The following SLC6A20 variants were observed in gnomAD, a reference collection of about 807,000 sequenced individuals.
The protein encoded by SLC6A20 is sodium- and chloride-dependent transporter XTRP3.
Under a neutral mutation model 64.3 loss-of-function variants are expected in SLC6A20, and 73 were observed. The observed-to-expected ratio is 1.14, with a 90% CI of 0.94 to 1.38. The LOEUF (loss-of-function observed/expected upper bound fraction) is 1.38. Among genes scored for constraint, SLC6A20 ranks in the 40% most tolerant of loss-of-function variants. SLC6A20 has a pLI of 0.00. For synonymous variants in SLC6A20, 347 were observed against 329.6 expected, an observed-to-expected ratio of 1.05 and a Z score of -0.57; for missense variants, 725 against 772.8, an observed-to-expected ratio of 0.94 and a Z score of 0.73.
intron 7 of SLC6A20, 60 bp downstream of exon 7, chr3:45,770,149 C>G: frequency 6.3e-7 from 1 of 1,599,926 alleles, no homozygotes; most frequent in Non-Finnish European, 8.5e-7. Context: ...CAGCAGCTCA[C>G]CAAGGTTCCC....
At chr3:45,763,845 A>G (rs1396757709) in intron 8 of SLC6A20, among the ~76,000 whole-genome samples, 1 of 152,074 alleles carries the variant, frequency 6.6e-6, no homozygotes, top group Non-Finnish European at 1.5e-5. Context: ...TTCCACTAGC[A>G]CACCGTACAC....
chr3:45,795,193 GT>G (rs1164222271), intron 1 of SLC6A20, among the ~76,000 whole-genome samples: 1 of 152,060 alleles, frequency 6.6e-6, no homozygotes, highest in Non-Finnish European at 1.5e-5. Context: ...CAGAAATTTT[GT>G]TAACAATTTG....
At position 45,757,466 on chromosome 3, in the gene SLC6A20, G is replaced by T. The variant is rs1279581856; in HGVS notation, c.*1512C>A. On this transcript the variant is annotated 3_prime_UTR_variant, in exon 11 of 11. Coordinates refer to ENST00000358525, the MANE Select transcript of SLC6A20 (RefSeq NM_020208.4). ...ATTGTGTCCCTGGTTAATCGAGAAT[G>T]GAGAATGGCGATGACTTCTACCAAG... 1.3e-5 allele frequency: 2 copies of T among 152,272 alleles called. No homozygotes were observed. Among genetic ancestry groups the T allele is most frequent in the African/African-American group, 4.8e-5 (2 of 41,444 alleles). The allele number at this position is 152,272 out of a possible 1,614,324, so 9.4% of individuals were successfully genotyped here. A position where few individuals can be genotyped will look rare whatever the true frequency, so the allele number is the denominator to read the frequency against.
In SLC6A20 at chr3:45,771,405, G is replaced by T; in HGVS notation, c.747C>A (p.Phe249Leu). The T allele has an allele frequency of 6.2e-7, 1 of 1,614,290 alleles. No individual in the cohort carries two copies. The change falls in exon 6 of 11, where the codon TTC becomes TTA. Residue 249 changes from phenylalanine (F) to leucine (L), a missense_variant. Coordinates refer to ENST00000358525, the MANE Select transcript of SLC6A20 (RefSeq NM_020208.4). ...TGCCGAAGCCCAGGCCAAGTGAGAA[G>T]AAGATCTGGGTGGCTGCATTGATCC... ...KAWINAATQIFFSLGLGFGSL... is the reference protein window; with the variant it reads ...KAWINAATQILFSLGLGFGSL...
intron 3 of SLC6A20, among the ~76,000 whole-genome samples, chr3:45,777,425 C>T (rs978821226): frequency 6.6e-6 from 1 of 152,240 alleles, no homozygotes; most frequent in Non-Finnish European, 1.5e-5. Flanking sequence ...TTCCCCTTCC[C>T]ATGTGCACAT....
In SLC6A20 at chr3:45,765,770, A is replaced by C. The variant is rs371936422; in HGVS notation, c.1099-29T>G. 117 of 1,612,356 alleles carry C rather than the reference A, an allele frequency of 7.3e-5. No individual in the cohort carries two copies. The highest frequency in any genetic ancestry group is 2.8e-4 in the Admixed American group (17 of 60,000). On this transcript the variant is annotated intron_variant, in intron 7 of 10. Coordinates refer to ENST00000358525, the MANE Select transcript of SLC6A20 (RefSeq NM_020208.4). The surrounding 1 kb of genome is among the most constrained non-coding windows in gnomAD (Gnocchi z 4.2). The stretch of plus-strand genomic sequence containing the variant: ...CCCAGGGTGAGAAGACACCAGTTAC[A>C]TGCAAGAGGGACTTATAGTCTTATT...
intron 3 of SLC6A20, among the ~76,000 whole-genome samples, chr3:45,777,178 A>G (rs62245064): frequency 5.3e-4 from 80 of 152,302 alleles, no homozygotes; most frequent in Non-Finnish European, 9.1e-4. Context: ...GCTCAATCCC[A>G]TATTTCACAG....
chr3:45,793,610 A>C (rs547726191), intron 1 of SLC6A20, among the ~76,000 whole-genome samples: 2 of 152,314 alleles, frequency 1.3e-5, no homozygotes, highest in South Asian at 2.1e-4. Context: ...GCAGGAAGGA[A>C]ACAAGCCTCT....
At chr3:45,775,694 G>T in intron 4 of SLC6A20, 67 bp downstream of exon 4, 1 of 1,473,922 alleles carries the variant, frequency 6.8e-7, no homozygotes, top group Non-Finnish European at 9.2e-7. Flanking sequence ...GGAGACAGAG[G>T]CAGCTGCCCC....
chr3:45,763,049 C>A lies in SLC6A20; in HGVS notation c.1327G>T (p.Ala443Ser). 6.2e-7 allele frequency: 1 copy of A among 1,614,148 alleles called. No homozygotes were observed. ...TCCATCGTGAACACCATGCCAATGG[C>A]ACAGTTGACAAGGCACACCAGACCT... Reference protein sequence around the residue: ...ISGLVCLVNCAIGMVFTMEAG... With the variant: ...ISGLVCLVNCSIGMVFTMEAG... Residue 443 changes from alanine (A) to serine (S), a missense_variant, in exon 9 of 11, where the codon GCC (alanine) becomes TCC (serine). Ala to Ser is a moderately conservative substitution (Grantham distance 99, BLOSUM62 1). Coordinates refer to ENST00000358525, the MANE Select transcript of SLC6A20 (RefSeq NM_020208.4).
chr3:45,775,961 G>C lies in SLC6A20; in HGVS notation c.382C>G (p.Leu128Val), dbSNP rs772850724. The change falls in exon 4 of 11, where the codon CTG (leucine) becomes GTG (valine). Residue 128 changes from leucine (L) to valine (V), a missense_variant. Transcript: ENST00000358525. ...QDPLPWSVCP[L>V]NGNHTGYDEE... ...TCGTAGCCCGTGTGGTTACCATTCA[G>C]TGGGCAGACAGACCACGGCAGGGGA... 6 of 1,614,106 alleles carry C rather than the reference G, an allele frequency of 3.7e-6. No homozygotes were observed. In the African/African-American group the frequency reaches 8.0e-5, roughly 22 times the overall value.
At chr3:45,789,260 C>A (rs959847097) in intron 1 of SLC6A20, among the ~76,000 whole-genome samples, 18 of 152,122 alleles carry the variant, frequency 1.2e-4, no homozygotes, top group Admixed American at 3.3e-4. Context: ...CCTTCTAAAT[C>A]ACTTGAGAAA....
intron 3 of SLC6A20, 33 bp from the exon 4 acceptor site, chr3:45,776,021 G>T (rs1458705839): frequency 1.2e-6 from 2 of 1,605,652 alleles, no homozygotes; most frequent in African/African-American, 2.7e-5. Flanking sequence ...ATCCAGGGAG[G>T]TGAAGGCTGA....
chr3:45,777,314 A>G (rs943401494), intron 3 of SLC6A20, among the ~76,000 whole-genome samples: 1 of 150,636 alleles, frequency 6.6e-6, no homozygotes, highest in Admixed American at 6.6e-5. Context: ...CTCCACGCCC[A>G]CCCCTGCAAT....
intron 1 of SLC6A20, among the ~76,000 whole-genome samples, chr3:45,791,912 A>T (rs1283848795): frequency 6.6e-6 from 1 of 152,188 alleles, no homozygotes; most frequent in Non-Finnish European, 1.5e-5. Flanking sequence ...TTGGGTGGGG[A>T]CCAAACTCAT....
chr3:45,767,920 A>T (rs1451480767), intron 7 of SLC6A20, among the ~76,000 whole-genome samples: 1 of 152,234 alleles, frequency 6.6e-6, no homozygotes, highest in Non-Finnish European at 1.5e-5. Flanking sequence ...TACTCCGAGG[A>T]ACAATGTCTT....
At position 45,758,930 on chromosome 3, in the gene SLC6A20, C is replaced by T; in HGVS notation, c.*48G>A. On this transcript the variant is annotated 3_prime_UTR_variant, in exon 11 of 11. Coordinates refer to ENST00000358525, the MANE Select transcript of SLC6A20 (RefSeq NM_020208.4). ...TGAAAAAGCAGCCGAGGAGTTTCCGCCTGTAAATAGTATCTGTAAAACCGT... is the reference window on the plus strand; with the variant it reads ...TGAAAAAGCAGCCGAGGAGTTTCCGTCTGTAAATAGTATCTGTAAAACCGT... 1 of 1,539,382 alleles carries T rather than the reference C, an allele frequency of 6.5e-7. No homozygotes were observed. Among genetic ancestry groups the T allele is most frequent in the Non-Finnish European group, 8.8e-7 (1 of 1,142,482 alleles).
intron 5 of SLC6A20, 142 bp from the exon 6 acceptor site, chr3:45,771,600 C>A: frequency 7.4e-7 from 1 of 1,344,078 alleles, no homozygotes; most frequent in Non-Finnish European, 1.0e-6. Flanking sequence ...GGCTGGAGAC[C>A]AGCTCTCCTG....
intron 1 of SLC6A20, among the ~76,000 whole-genome samples, chr3:45,789,994 A>G (rs1032146170): frequency 3.5e-4 from 54 of 152,322 alleles, no homozygotes; most frequent in African/African-American, 1.3e-3. Context: ...TCTAATTATC[A>G]TAGCCAGTAC....
Sources: allele counts gnomAD v4.1 joint callset (sites outside exome capture counted in the v4.1 genomes callset), GRCh38; gene constraint gnomAD v4.1.1; non-coding constraint Gnocchi (gnomAD v3.1); transcripts MANE v1.5; gene names NCBI Gene and HGNC (gene_info 2026-07-23, HGNC 2026-07-21).